CENPP: variants seen among roughly 807,000 people sequenced by gnomAD.
CENPP encodes centromere protein P.
A neutral mutation model predicts 35.6 loss-of-function variants in CENPP; 24 were observed. The ratio of observed to expected loss-of-function variants is 0.67; its 90% CI spans 0.49 to 0.95. The LOEUF (loss-of-function observed/expected upper bound fraction) is 0.95. CENPP is among the 40% of genes least tolerant of loss of function. CENPP has a pLI of 0.00. For missense variants in CENPP, 332 were observed against 345.3 expected, an observed-to-expected ratio of 0.96 and a Z score of 0.31; for synonymous variants, 120 against 125.5, an observed-to-expected ratio of 0.96 and a Z score of 0.29.
intron 5 of CENPP, chr9:92,494,017 AC>A: frequency 6.5e-7 from 1 of 1,529,950 alleles, no homozygotes; most frequent in East Asian, 2.3e-5. Context: ...TCGCATTGTC[AC>A]CCATTTTTCT....
rs557645236 is a variant in CENPP, at chr9:92,326,693, C to CA, written c.107+589dup. On this transcript the variant is annotated intron_variant, in intron 1 of 7. Coordinates refer to ENST00000375587, the MANE Select transcript of CENPP (RefSeq NM_001012267.3). The stretch of plus-strand genomic sequence containing the variant: ...CCAAGGTTCCAGAGAAAGGAATTGT[C>CA]AGAGATGGATTGGGACCCAAAAATT... Among the ~76,000 whole-genome samples the CA allele has an allele frequency of 3.2e-4, 49 of 152,234 alleles. No individual in the cohort carries two copies. In the South Asian group the frequency reaches 0.01, roughly 32 times the overall value.
intron 5 of CENPP, among the ~76,000 whole-genome samples, chr9:92,381,310 G>T (rs1359702450): frequency 6.7e-6 from 1 of 148,228 alleles, no homozygotes; most frequent in Admixed American, 6.7e-5. Context: ...TTGAGACAGG[G>T]TCTCACTCTG....
At position 92,604,784 on chromosome 9, in the gene CENPP, G is replaced by A. The variant is rs75394720; in HGVS notation, c.565-6530G>A. 7.4e-3 allele frequency among the ~76,000 whole-genome samples: 1,122 copies of A among 151,988 alleles called. 11 individuals carry two copies. Among genetic ancestry groups the A allele is most frequent in the African/African-American group, 0.024 (1,013 of 41,438 alleles). ...TAATTTTTGTATTATTAGTAGAGACGGGTTTTACTATGTTGGCCAGGCTGG... is the reference window on the plus strand; with the variant it reads ...TAATTTTTGTATTATTAGTAGAGACAGGTTTTACTATGTTGGCCAGGCTGG... On this transcript the variant is annotated intron_variant, in intron 5 of 7. Coordinates refer to ENST00000375587, the MANE Select transcript of CENPP (RefSeq NM_001012267.3).
In CENPP at chr9:92,545,093, G is replaced by A. The variant is rs553559137; in HGVS notation, c.565-66221G>A. Among the ~76,000 whole-genome samples, 12 of 152,260 alleles carry A rather than the reference G, an allele frequency of 7.9e-5. No homozygotes were observed. The South Asian group carries it at 1.9e-3, about 24-fold the overall frequency. The stretch of plus-strand genomic sequence containing the variant: ...AGGTGACAGCCTGCTGGCAGCCCTC[G>A]CAGCCCTCGCTCGCTCTTGGCACCT... On this transcript the variant is annotated intron_variant, in intron 5 of 7. Coordinates refer to ENST00000375587, the MANE Select transcript of CENPP (RefSeq NM_001012267.3).
intron 5 of CENPP, among the ~76,000 whole-genome samples, chr9:92,413,723 C>T (rs1035586960): frequency 6.6e-6 from 1 of 151,936 alleles, no homozygotes; most frequent in Admixed American, 6.6e-5. Context: ...TTGCCAAGCC[C>T]TATATAAGAA....
intron 5 of CENPP, among the ~76,000 whole-genome samples, chr9:92,418,561 G>A (rs1254236456): frequency 6.6e-6 from 1 of 152,092 alleles, no homozygotes; most frequent in Non-Finnish European, 1.5e-5. Context: ...TCCCTCCACT[G>A]TAAATGCTGT....
rs568477382 is a variant in CENPP at position 92,437,372 on chromosome 9, C to T, written c.564+57513C>T. On this transcript the variant is annotated intron_variant, in intron 5 of 7. Transcript: ENST00000375587. The stretch of plus-strand genomic sequence containing the variant: ...ATATATAGCTTGTAATATTTTTCTT[C>T]TAGTGTATGATTAGTCTTTTTCTTT... Among the ~76,000 whole-genome samples, 6 of 149,340 alleles carry T rather than the reference C, an allele frequency of 4.0e-5. No homozygotes were observed. In the South Asian group the frequency reaches 1.3e-3, roughly 32 times the overall value.
At chr9:92,514,923 A>G in intron 5 of CENPP, 6 of 1,613,276 alleles carry the variant, frequency 3.7e-6, no homozygotes, top group Non-Finnish European at 5.1e-6. Flanking sequence ...TCTCCTCTCC[A>G]GGCCTCTGCT....
intron 5 of CENPP, among the ~76,000 whole-genome samples, chr9:92,408,797 T>C (rs1027473373): frequency 5.3e-5 from 8 of 152,012 alleles, no homozygotes; most frequent in Admixed American, 2.0e-4. Flanking sequence ...CACTGATGGG[T>C]GGGGGTTGGG....
At chr9:92,579,377 T>C (rs1352587391) in intron 5 of CENPP, among the ~76,000 whole-genome samples, 2 of 148,186 alleles carry the variant, frequency 1.3e-5, no homozygotes, top group Admixed American at 6.8e-5. Context: ...ATTGAATCTA[T>C]AAATTACCTT....
At chr9:92,583,004 C>T (rs1164987223) in intron 5 of CENPP, among the ~76,000 whole-genome samples, 1 of 152,174 alleles carries the variant, frequency 6.6e-6, no homozygotes, top group Non-Finnish European at 1.5e-5. Flanking sequence ...TGCAGAACAG[C>T]TTTCACTGTG....
chr9:92,449,118 T>C (rs541594038), intron 5 of CENPP, among the ~76,000 whole-genome samples: 101 of 152,128 alleles, frequency 6.6e-4, no homozygotes, highest in African/African-American at 2.4e-3. Context: ...CTGCCACAAG[T>C]GATTTAATTT....
chr9:92,483,972 A>G (rs1845995715), intron 5 of CENPP, among the ~76,000 whole-genome samples: 2 of 152,212 alleles, frequency 1.3e-5, no homozygotes, highest in Non-Finnish European at 2.9e-5. Flanking sequence ...TTATTCAAGT[A>G]TATTTCAGTT....
intron 5 of CENPP, among the ~76,000 whole-genome samples, chr9:92,483,716 A>G (rs1845985109): frequency 6.6e-6 from 1 of 152,218 alleles, no homozygotes; most frequent in Admixed American, 6.5e-5. Flanking sequence ...AATGGCACAC[A>G]TTGTGTTAAG....
rs371633512 is a variant in CENPP, at chr9:92,515,166, A to G, written c.565-96148A>G. On this transcript the variant is annotated intron_variant, in intron 5 of 7. Transcript: ENST00000375587. ...AAGAATCACCAGAAAATTCATTTCT[A>G]TCATTTAATGCTATACCACTGAGTA... The G allele has an allele frequency of 2.4e-5, 38 of 1,608,572 alleles. No homozygotes were observed. The East Asian group carries it at 2.7e-4, about 11-fold the overall frequency.
chr9:92,456,883 A>ACAG, intron 5 of CENPP: 1 of 916,838 alleles, frequency 1.1e-6, no homozygotes. Flanking sequence ...GTCTTTGTTA[A>ACAG]TTCTGTTTTT....
At chr9:92,411,940 A>G (rs1199330632) in intron 5 of CENPP, among the ~76,000 whole-genome samples, 1 of 152,134 alleles carries the variant, frequency 6.6e-6, no homozygotes, top group Non-Finnish European at 1.5e-5. Flanking sequence ...CTGCCGCTTT[A>G]GCATTTTATT....
At chr9:92,363,914 AC>A (rs1383565419) in intron 4 of CENPP, among the ~76,000 whole-genome samples, 1 of 151,242 alleles carries the variant, frequency 6.6e-6, no homozygotes, top group Non-Finnish European at 1.5e-5. Flanking sequence ...AGTGGTGCAA[AC>A]CCGGCTCACT....
At chr9:92,383,202 A>T (rs1313360886) in intron 5 of CENPP, among the ~76,000 whole-genome samples, 1 of 152,112 alleles carries the variant, frequency 6.6e-6, no homozygotes, top group Non-Finnish European at 1.5e-5. Flanking sequence ...CCAGCCACAC[A>T]CTGTTTTCAT....
Sources: gnomAD v4.1 joint callset for allele counts (sites outside exome capture counted in the v4.1 genomes callset) on GRCh38, gnomAD v4.1.1 for gene constraint, MANE v1.5 for transcripts, NCBI Gene and HGNC (gene_info 2026-07-23, HGNC 2026-07-21) for gene names.